ABAT: variants seen among roughly 807,000 people sequenced by gnomAD.
ABAT encodes the protein 4-aminobutyrate aminotransferase, also known as 4-aminobutyrate aminotransferase, mitochondrial.
ABAT carries 45 observed loss-of-function variants against 64.6 expected under a neutral mutation model. That is an observed-to-expected ratio of 0.70 (90% confidence interval 0.55 to 0.89). The LOEUF is 0.89. ABAT is among the 40% of genes least tolerant of loss of function. ABAT has a pLI of 0.00. For missense variants in ABAT, 633 were observed against 658.4 expected (o/e 0.96, Z 0.42); for synonymous variants, 297 against 250.5 (o/e 1.19, Z -1.75).
chr16:8,713,888 G>A, intron 1 of ABAT: 2 of 456,192 alleles, frequency 4.4e-6, no homozygotes, highest in South Asian at 3.1e-5. Flanking sequence ...GTGTATGTGT[G>A]TCTCTGTGTG....
At position 8,768,225 on chromosome 16, in the gene ABAT, C is replaced by A; in HGVS notation, c.636C>A (p.Ser212=). 6.2e-7 allele frequency: 1 copy of A among 1,614,128 alleles called. No individual in the cohort carries two copies. The highest frequency in any genetic ancestry group is 1.1e-5 in the South Asian group (1 of 91,076). ...APGCPDYSIL[S]FMGAFHGRTM... ...GCTGCCCCGACTACAGCATCCTCTC[C>A]TTCATGGGCGCGTTCCATGGGAGGA... The change falls in exon 10 of 16, where the codon TCC becomes TCA. Residue 212 remains serine, a synonymous_variant. Coordinates refer to ENST00000268251, the MANE Select transcript of ABAT (RefSeq NM_020686.6).
chr16:8,726,345 C>G (rs1311738593), intron 1 of ABAT, among the ~76,000 whole-genome samples: 1 of 150,194 alleles, frequency 6.7e-6, no homozygotes. Flanking sequence ...ACTGCAACCT[C>G]TGCCTCCCGG....
In ABAT at chr16:8,764,176, G is replaced by T. The variant is rs754296029; in HGVS notation, c.447+27G>T. 1.3e-5 allele frequency: 20 copies of T among 1,587,108 alleles called. No individual in the cohort carries two copies. The South Asian group carries it at 2.2e-4, about 18-fold the overall frequency. ...TGAGTTCTGGAGAAGCAATCCCATTGTCTTCAGACGTGGTACTGGCAGGGG... is the reference window on the plus strand; with the variant it reads ...TGAGTTCTGGAGAAGCAATCCCATTTTCTTCAGACGTGGTACTGGCAGGGG... On this transcript the variant is annotated intron_variant, in intron 7 of 15. Transcript: ENST00000268251. The surrounding 1 kb of genome is among the most constrained non-coding windows in gnomAD (Gnocchi z 4.2).
intron 1 of ABAT, among the ~76,000 whole-genome samples, chr16:8,725,402 G>C (rs1029916209): frequency 6.6e-5 from 10 of 152,114 alleles, no homozygotes; most frequent in Non-Finnish European, 1.5e-4. Flanking sequence ...GCCAACCCCT[G>C]ATTTATTTTC....
chr16:8,707,358 T>TTTTTTTTTTTG (rs1423960753), intron 1 of ABAT, among the ~76,000 whole-genome samples: 7 of 148,722 alleles, frequency 4.7e-5, no homozygotes, highest in Non-Finnish European at 7.4e-5. Context: ...GGGTAATTTT[T>TTTTTTTTTTTG]TTTTTTTTTT....
chr16:8,768,770 G>T (rs1282021086), intron 10 of ABAT, 55 bp from the exon 11 acceptor site: 5 of 1,612,122 alleles, frequency 3.1e-6, no homozygotes, highest in Non-Finnish European at 2.5e-6. Flanking sequence ...TTACAAAGAC[G>T]GTACTGCCTG....
intron 1 of ABAT, among the ~76,000 whole-genome samples, chr16:8,675,093 TC>T (rs2057165115): frequency 6.6e-6 from 1 of 151,980 alleles, no homozygotes; most frequent in Non-Finnish European, 1.5e-5. Flanking sequence ...CCTTCTCCCC[TC>T]TCTTTCGGAA....
intron 5 of ABAT, among the ~76,000 whole-genome samples, chr16:8,754,718 C>T (rs1411729965): frequency 1.0e-4 from 14 of 136,470 alleles, no homozygotes; most frequent in African/African-American, 3.7e-4. Context: ...TTCTTTCTTT[C>T]TTTCTTTTTT....
At chr16:8,754,938 C>G (rs1405743507) in intron 5 of ABAT, among the ~76,000 whole-genome samples, 3 of 152,016 alleles carry the variant, frequency 2.0e-5, no homozygotes, top group Non-Finnish European at 4.4e-5. Flanking sequence ...AAGCTGGTAT[C>G]AAACTCCTGA....
At chr16:8,703,313 G>A (rs868577546) in intron 1 of ABAT, among the ~76,000 whole-genome samples, 51 of 152,028 alleles carry the variant, frequency 3.4e-4, no homozygotes, top group Middle Eastern at 6.8e-3. Flanking sequence ...AAAATTAGCC[G>A]GGCGTGGTGG....
chr16:8,759,936 G>T (rs912267163), intron 6 of ABAT, among the ~76,000 whole-genome samples: 1 of 152,154 alleles, frequency 6.6e-6, no homozygotes, highest in African/African-American at 2.4e-5. Context: ...TTACGTCTGG[G>T]TGATTCCTCC....
Position 8,782,922 on chromosome 16 carries a change from T to C in ABAT, c.*1492T>C, listed in dbSNP as rs1233028133. The C allele has an allele frequency of 6.6e-6, 1 of 152,100 alleles. No homozygotes were observed. The highest frequency in any genetic ancestry group is 1.5e-5 in the Non-Finnish European group (1 of 68,016). The allele number at this position is 152,100 out of a possible 1,614,324, so 9.4% of individuals were successfully genotyped here. ...CTTTTAATAACAAATCGTCCAAAGATCTCAAAGTAAGGGTTTTTTTTTTTA... is the reference window on the plus strand; with the variant it reads ...CTTTTAATAACAAATCGTCCAAAGACCTCAAAGTAAGGGTTTTTTTTTTTA... On this transcript the variant is annotated 3_prime_UTR_variant, in exon 16 of 16. Coordinates refer to ENST00000268251, the MANE Select transcript of ABAT (RefSeq NM_020686.6).
At chr16:8,713,188 T>A (rs1318796440) in intron 1 of ABAT, 1 of 151,894 alleles carries the variant, frequency 6.6e-6, no homozygotes, top group Non-Finnish European at 1.5e-5. Flanking sequence ...TGTGGCTGCG[T>A]CCACAACACT....
intron 2 of ABAT, chr16:8,737,500 C>T (rs1342487796): frequency 1.1e-5 from 1 of 93,958 alleles, no homozygotes; most frequent in East Asian, 3.4e-4. Context: ...AATAAATAAA[C>T]ATCTTATTTT....
chr16:8,692,397 T>C (rs932956773), intron 1 of ABAT, among the ~76,000 whole-genome samples: 1 of 151,950 alleles, frequency 6.6e-6, no homozygotes, highest in African/African-American at 2.4e-5. Context: ...TTATAATTAA[T>C]AAATAAGTAA....
At chr16:8,743,444 T>TATATATATATATATATATATAC (rs368568293) in intron 2 of ABAT, among the ~76,000 whole-genome samples, 2,782 of 117,358 alleles carry the variant, frequency 0.024, 116 homozygotes, top group South Asian at 0.034. Flanking sequence ...TATATATATA[T>TATATATATATATATATATATAC]ACACACATTT....
In ABAT at chr16:8,766,238, C is replaced by T; in HGVS notation, c.571C>T (p.Gln191Ter). 1 of 1,614,138 alleles carries T rather than the reference C, an allele frequency of 6.2e-7. No homozygotes were observed. The highest frequency in any genetic ancestry group is 8.5e-7 in the Non-Finnish European group (1 of 1,179,992). Residue 191 changes from glutamine (Q) to a stop codon, truncating the protein, a stop_gained, in exon 9 of 16, where the codon CAG becomes TAG. Coordinates refer to ENST00000268251, the MANE Select transcript of ABAT (RefSeq NM_020686.6). LOFTEE classifies it high-confidence loss of function. ...SKERGQRGFS[Q>*]EELETCMINQ... Reference sequence around the variant, plus strand: ...GGAAAGAGGGCAGAGGGGCTTCTCCCAGGAGGAGCTGGAGACGTGCATGAT... The same window carrying T: ...GGAAAGAGGGCAGAGGGGCTTCTCCTAGGAGGAGCTGGAGACGTGCATGAT...
intron 5 of ABAT, among the ~76,000 whole-genome samples, chr16:8,754,792 C>A (rs1230726556): frequency 6.6e-6 from 1 of 151,454 alleles, no homozygotes. Context: ...AATCTCAGCT[C>A]ACTACAACCT....
chr16:8,697,476 G>A (rs1327416415), intron 1 of ABAT, among the ~76,000 whole-genome samples: 5 of 152,166 alleles, frequency 3.3e-5, no homozygotes, highest in Non-Finnish European at 7.4e-5. Context: ...TTCAGGTGGA[G>A]ACAGGAAGAG....
Sources: allele counts gnomAD v4.1 joint callset (sites outside exome capture counted in the v4.1 genomes callset), GRCh38; gene constraint gnomAD v4.1.1; non-coding constraint Gnocchi (gnomAD v3.1); transcripts MANE v1.5; gene names NCBI Gene and HGNC (gene_info 2026-07-23, HGNC 2026-07-21).